MED13L: variants seen among roughly 807,000 people sequenced by gnomAD.
MED13L encodes the protein mediator of RNA polymerase II transcription subunit 13-like.
Under a neutral mutation model 220.9 loss-of-function variants are expected in MED13L, and 7 were observed. The ratio of observed to expected loss-of-function variants is 0.03; its 90% CI spans 0.02 to 0.06. The LOEUF (loss-of-function observed/expected upper bound fraction) is 0.06, where lower values mean the gene tolerates loss of function less well. Ranked by LOEUF, MED13L falls within the 10% of genes least tolerant of loss-of-function variation. MED13L has a pLI of 1.00. For synonymous variants in MED13L, 1,011 were observed against 1,015.2 expected (o/e 1.00, Z 0.08); for missense variants, 1,965 against 2,760.5 (o/e 0.71, Z 6.46).
At chr12:116,145,015 G>C (rs747440486) in intron 2 of MED13L, among the ~76,000 whole-genome samples, 2 of 152,096 alleles carry the variant, frequency 1.3e-5, no homozygotes, top group Non-Finnish European at 2.9e-5. Flanking sequence ...ATACTCTGTT[G>C]TCAGTACACT....
chr12:116,007,416 T>C lies in MED13L; in HGVS notation c.2233A>G (p.Asn745Asp), dbSNP rs1290835227. The C allele has an allele frequency of 6.2e-7, 1 of 1,611,334 alleles. No individual in the cohort carries two copies. The highest frequency in any genetic ancestry group is 8.5e-7 in the Non-Finnish European group (1 of 1,177,454). ...QGTEKDSLKKNKSEDGFGTKD... is the reference protein window; with the variant it reads ...QGTEKDSLKKDKSEDGFGTKD... ...CTCTCTCTGTTAAATGGTACCTTAT[T>C]CTTTTTCAGGGAATCTTTCTCCGTC... The change falls in exon 11 of 31, where the codon AAT becomes GAT. Residue 745 changes from asparagine (N) to aspartate (D), a missense_variant. Coordinates refer to ENST00000281928, the MANE Select transcript of MED13L (RefSeq NM_015335.5).
intron 7 of MED13L, among the ~76,000 whole-genome samples, chr12:116,016,924 C>T (rs1280169831): frequency 2.0e-5 from 3 of 152,262 alleles, no homozygotes; most frequent in Non-Finnish European, 4.4e-5. Flanking sequence ...GTTTTTTAGA[C>T]GGCAAAGTAG....
intron 4 of MED13L, among the ~76,000 whole-genome samples, chr12:116,077,013 C>T (rs1870858238): frequency 6.6e-6 from 1 of 151,992 alleles, no homozygotes. Flanking sequence ...GCAGTCTTTC[C>T]TTGAGACACC....
intron 2 of MED13L, among the ~76,000 whole-genome samples, chr12:116,135,163 C>T (rs981648659): frequency 1.3e-5 from 2 of 152,060 alleles, no homozygotes; most frequent in Non-Finnish European, 2.9e-5. Flanking sequence ...AGCGAGACCC[C>T]GTCTCAAACA....
chr12:116,000,692 A>G (rs564758358), intron 14 of MED13L, among the ~76,000 whole-genome samples: 53 of 152,358 alleles, frequency 3.5e-4, no homozygotes, highest in Non-Finnish European at 5.1e-4. Context: ...AGTGGTTAAT[A>G]ATAAAACCTA....
At chr12:115,967,170 CAAAAAAA>C (rs34377158) in intron 28 of MED13L, among the ~76,000 whole-genome samples, 1 of 45,242 alleles carries the variant, frequency 2.2e-5, no homozygotes, top group Non-Finnish European at 4.0e-5. Context: ...GACTCTGTCT[CAAAAAAA>C]AAAAAAAAAA....
At chr12:115,990,534 G>A (rs1431493388) in intron 17 of MED13L, among the ~76,000 whole-genome samples, 1 of 152,148 alleles carries the variant, frequency 6.6e-6, no homozygotes. Flanking sequence ...CCAGTTATAT[G>A]CCCCAGTAAC....
intron 1 of MED13L, among the ~76,000 whole-genome samples, chr12:116,263,749 C>T (rs1461948264): frequency 6.6e-6 from 1 of 152,192 alleles, no homozygotes; most frequent in African/African-American, 2.4e-5. Flanking sequence ...TGATGTCTGA[C>T]TCTTGCTAGT....
At chr12:116,233,187 T>G (rs1869745385) in intron 2 of MED13L, among the ~76,000 whole-genome samples, 1 of 150,496 alleles carries the variant, frequency 6.6e-6, no homozygotes, top group Non-Finnish European at 1.5e-5. Context: ...TAAATTAAAA[T>G]GTAGAATTTA....
rs759773785 is a variant in MED13L at position 115,987,285 on chromosome 12, A to C, written c.3938T>G (p.Leu1313Arg). The change falls in exon 18 of 31, where the codon CTG (leucine) becomes CGG (arginine). Residue 1313 changes from leucine to arginine, a missense_variant. Physicochemically the swap from Leu to Arg is moderately radical, Grantham distance 102. Around this residue, in one of 10 missense-constraint regions of MED13L, gnomAD observed 165 missense variants for 190.8 expected, o/e 0.86. Transcript: ENST00000281928. ...TVHSWPHSNV[L>R]DISMLSSQDV... ...CTGGGAGGAGAGCATGCTGATGTCCAGCACTGGAAGAGAAGTGAGAAGAAA... is the reference window on the plus strand; with the variant it reads ...CTGGGAGGAGAGCATGCTGATGTCCCGCACTGGAAGAGAAGTGAGAAGAAA... The C allele has an allele frequency of 6.2e-7, 1 of 1,612,638 alleles. No individual in the cohort carries two copies. Among genetic ancestry groups the C allele is most frequent in the Non-Finnish European group, 8.5e-7 (1 of 1,179,820 alleles).
At chr12:116,187,610 T>A (rs1185198500) in intron 2 of MED13L, among the ~76,000 whole-genome samples, 1 of 152,186 alleles carries the variant, frequency 6.6e-6, no homozygotes, top group Non-Finnish European at 1.5e-5. Context: ...TTTTATAATG[T>A]ACAAGAGTAT....
At chr12:116,192,101 T>C (rs1257846023) in intron 2 of MED13L, among the ~76,000 whole-genome samples, 1 of 152,122 alleles carries the variant, frequency 6.6e-6, no homozygotes, top group African/African-American at 2.4e-5. Flanking sequence ...CTAAAACAAT[T>C]AAAAGAGAGC....
chr12:116,201,732 C>T (rs1882016337), intron 2 of MED13L, among the ~76,000 whole-genome samples: 1 of 152,102 alleles, frequency 6.6e-6, no homozygotes, highest in African/African-American at 2.4e-5. Flanking sequence ...AAGCTTTCTG[C>T]AGGTCTTCAA....
intron 4 of MED13L, among the ~76,000 whole-genome samples, chr12:116,083,051 GA>G (rs1377183923): frequency 6.6e-6 from 1 of 152,138 alleles, no homozygotes; most frequent in African/African-American, 2.4e-5. Context: ...AAAAATTTAT[GA>G]AACAGGCTTT....
chr12:116,192,219 T>C (rs1204689986), intron 2 of MED13L, among the ~76,000 whole-genome samples: 2 of 152,214 alleles, frequency 1.3e-5, no homozygotes, highest in Admixed American at 1.3e-4. Context: ...ATCCCTTATG[T>C]AGCCAAGCAT....
intron 23 of MED13L, among the ~76,000 whole-genome samples, chr12:115,980,273 T>C (rs1407267788): frequency 6.6e-6 from 1 of 152,252 alleles, no homozygotes; most frequent in African/African-American, 2.4e-5. Context: ...AAAAATGTTT[T>C]AAAGTTCAGA....
rs550627383 is a variant in MED13L, at chr12:116,194,402, T to C, written c.310+43066A>G. Among the ~76,000 whole-genome samples the C allele has an allele frequency of 2.0e-5, 3 of 151,970 alleles. No homozygotes were observed. The South Asian group carries it at 6.2e-4, about 32-fold the overall frequency. On this transcript the variant is annotated intron_variant, in intron 2 of 30. Coordinates refer to ENST00000281928, the MANE Select transcript of MED13L (RefSeq NM_015335.5). ...CTGGTCTCAAACTCCCGACCTCAGG[T>C]GAGCCACCCACCTCCGCCTCCCAAA...
intron 2 of MED13L, among the ~76,000 whole-genome samples, chr12:116,188,660 T>C (rs937321672): frequency 6.6e-6 from 1 of 152,126 alleles, no homozygotes; most frequent in African/African-American, 2.4e-5. Context: ...TTGACACTGA[T>C]ATGGTCAAGA....
intron 2 of MED13L, among the ~76,000 whole-genome samples, chr12:116,183,816 G>GTA (rs1555220631): frequency 1.1e-4 from 11 of 97,854 alleles, no homozygotes; most frequent in Admixed American, 5.7e-4. Flanking sequence ...GTGTGTGTGT[G>GTA]TGTATGTGTG....
Sources: gnomAD v4.1 joint callset for allele counts (sites outside exome capture counted in the v4.1 genomes callset) on GRCh38, gnomAD v4.1.1 for gene constraint, gnomAD v4.1.1 regional missense constraint, MANE v1.5 for transcripts, NCBI Gene and HGNC (gene_info 2026-07-23, HGNC 2026-07-21) for gene names.